Variants in CUL1 observed in about 807,000 individuals in gnomAD.
CUL1 encodes the protein cullin 1, also known as cullin-1.
In CUL1, 24 loss-of-function variants were observed where a neutral mutation model predicts 118.0. The ratio of observed to expected loss-of-function variants is 0.20; its 90% CI spans 0.15 to 0.29. The LOEUF is 0.29. Ranked by LOEUF, CUL1 falls within the 10% of genes least tolerant of loss-of-function variation. The pLI, the probability that CUL1 is intolerant of heterozygous loss-of-function variation, is 1.00. For synonymous variants in CUL1, 332 were observed against 340.4 expected, an observed-to-expected ratio of 0.98 and a Z score of 0.27; for missense variants, 361 against 933.8, an observed-to-expected ratio of 0.39 and a Z score of 7.99.
chr7:148,762,849 T>G (rs969738897), intron 7 of CUL1, among the ~76,000 whole-genome samples: 1 of 152,168 alleles, frequency 6.6e-6, no homozygotes, highest in African/African-American at 2.4e-5. Flanking sequence ...TAAATCTGTT[T>G]TTAAAACCAG....
At chr7:148,707,300 G>A (rs1478879707) in intron 1 of CUL1, among the ~76,000 whole-genome samples, 1 of 152,070 alleles carries the variant, frequency 6.6e-6, no homozygotes, top group East Asian at 1.9e-4. Flanking sequence ...ATAGAGGCCA[G>A]GATCCTAATG....
chr7:148,717,508 G>C (rs1403147277), intron 1 of CUL1, among the ~76,000 whole-genome samples: 1 of 151,738 alleles, frequency 6.6e-6, no homozygotes, highest in African/African-American at 2.4e-5. Flanking sequence ...ACTGCTTTGT[G>C]TCGCCTGTGT....
At chr7:148,757,870 C>T (rs1020843724) in intron 4 of CUL1, among the ~76,000 whole-genome samples, 2 of 152,182 alleles carry the variant, frequency 1.3e-5, no homozygotes, top group African/African-American at 4.8e-5. Context: ...CATCAGATCT[C>T]GTGAGACTAT....
At chr7:148,715,654 T>C (rs1333856496) in intron 1 of CUL1, among the ~76,000 whole-genome samples, 1 of 152,218 alleles carries the variant, frequency 6.6e-6, no homozygotes, top group Admixed American at 6.5e-5. Context: ...CTTCACACTT[T>C]GAAGATTTTT....
At chr7:148,748,721 C>T (rs1324000749) in intron 2 of CUL1, among the ~76,000 whole-genome samples, 1 of 152,124 alleles carries the variant, frequency 6.6e-6, no homozygotes, top group African/African-American at 2.4e-5. Flanking sequence ...AATAATGGCC[C>T]CCCCGTTCTG....
intron 2 of CUL1, among the ~76,000 whole-genome samples, chr7:148,737,232 G>A (rs1256251799): frequency 6.6e-6 from 1 of 151,542 alleles, no homozygotes; most frequent in Non-Finnish European, 1.5e-5. Context: ...TATAAATATG[G>A]CATGTTCTTC....
intron 2 of CUL1, among the ~76,000 whole-genome samples, chr7:148,749,762 A>G (rs1255317577): frequency 6.6e-6 from 1 of 152,244 alleles, no homozygotes. Context: ...CTTTAGATCA[A>G]AAACTAGCAA....
chr7:148,703,101 A>G (rs1797769408), intron 1 of CUL1, among the ~76,000 whole-genome samples: 1 of 152,228 alleles, frequency 6.6e-6, no homozygotes, highest in Non-Finnish European at 1.5e-5. Context: ...TTTTAACCAG[A>G]TGTTCCCTGA....
At chr7:148,756,671 G>A (rs1026232394) in intron 3 of CUL1, among the ~76,000 whole-genome samples, 1 of 151,986 alleles carries the variant, frequency 6.6e-6, no homozygotes, top group African/African-American at 2.4e-5. Context: ...AAATACAGAT[G>A]ATTTTGTGGT....
intron 16 of CUL1, 22 bp downstream of exon 16, chr7:148,790,463 A>G: frequency 6.3e-7 from 1 of 1,599,006 alleles, no homozygotes; most frequent in Non-Finnish European, 8.5e-7. Context: ...TTTTTATCTT[A>G]AAATTTTTCT....
At chr7:148,725,364 C>G (rs538768278) in intron 1 of CUL1, among the ~76,000 whole-genome samples, 108 of 152,328 alleles carry the variant, frequency 7.1e-4, no homozygotes, top group African/African-American at 2.5e-3. Flanking sequence ...GACTTGACTC[C>G]CAGTGTTAGC....
chr7:148,752,800 C>T (rs1286297797), intron 2 of CUL1, among the ~76,000 whole-genome samples: 1 of 152,176 alleles, frequency 6.6e-6, no homozygotes, highest in African/African-American at 2.4e-5. Context: ...AGGCGCCTGC[C>T]ACCACGCCCG....
At chr7:148,773,087 C>T (rs1352380227) in intron 9 of CUL1, among the ~76,000 whole-genome samples, 2 of 152,106 alleles carry the variant, frequency 1.3e-5, no homozygotes, top group African/African-American at 4.8e-5. Context: ...TGATAATTAG[C>T]AGTTTCGTCT....
At chr7:148,735,174 C>G (rs997349945) in intron 2 of CUL1, among the ~76,000 whole-genome samples, 1 of 152,212 alleles carries the variant, frequency 6.6e-6, no homozygotes, top group Non-Finnish European at 1.5e-5. Flanking sequence ...TAAGCACATT[C>G]AGAATTCACA....
At chr7:148,755,073 G>T (rs752986846) in intron 3 of CUL1, among the ~76,000 whole-genome samples, 3 of 152,198 alleles carry the variant, frequency 2.0e-5, no homozygotes, top group Non-Finnish European at 2.9e-5. Flanking sequence ...TTTCAAAACT[G>T]CTGTGAAATT....
intron 4 of CUL1, 119 bp downstream of exon 4, chr7:148,757,269 TA>T: frequency 2.0e-6 from 1 of 506,812 alleles, no homozygotes; most frequent in Non-Finnish European, 3.2e-6. Context: ...AATAGTAAAC[TA>T]ATTTTCATTG....
Position 148,800,836 on chromosome 7 carries a change from G to A in CUL1, c.*254G>A, listed in dbSNP as rs945643598. 2.8e-5 allele frequency: 11 copies of A among 398,002 alleles called. No individual in the cohort carries two copies. The highest frequency in any genetic ancestry group is 6.9e-4 in the Middle Eastern group (1 of 1,442). The allele number at this position is 398,002 out of a possible 1,614,324, so 24.7% of individuals were successfully genotyped here. ...ACAGCGGGGACTGACCCTCCGTGCC[G>A]AGGGCTGCATGCTACCGCACTAAGT... On this transcript the variant is annotated 3_prime_UTR_variant, in exon 22 of 22. Transcript: ENST00000325222. The surrounding 1 kb of genome is among the most constrained non-coding windows in gnomAD (Gnocchi z 4.6).
At chr7:148,772,905 C>T (rs73467492) in intron 9 of CUL1, among the ~76,000 whole-genome samples, 3,182 of 152,180 alleles carry the variant, frequency 0.021, 95 homozygotes, top group African/African-American at 0.073. Flanking sequence ...GCTGTCTCCT[C>T]CTCTGTCTTC....
rs565364153 is a variant in CUL1, at chr7:148,772,278, G to A, written c.1083+4529G>A. Among the ~76,000 whole-genome samples the A allele has an allele frequency of 2.6e-5, 4 of 152,296 alleles. No individual in the cohort carries two copies. The East Asian group carries it at 7.7e-4, about 29-fold the overall frequency. ...AAAAATACAAAAATTAGCCGGGCGT[G>A]TTAGCAGGCACCTGTAATCCCAGCT... On this transcript the variant is annotated intron_variant, in intron 9 of 21. Transcript: ENST00000325222.
Sources: allele counts gnomAD v4.1 joint callset (sites outside exome capture counted in the v4.1 genomes callset), GRCh38; gene constraint gnomAD v4.1.1; non-coding constraint Gnocchi (gnomAD v3.1); transcripts MANE v1.5; gene names NCBI Gene and HGNC (gene_info 2026-07-23, HGNC 2026-07-21).